Variants in PDCD6 observed in about 807,000 individuals in gnomAD.
PDCD6 encodes the protein programmed cell death protein 6.
PDCD6 carries 12 observed loss-of-function variants against 28.3 expected under a neutral mutation model. The observed-to-expected ratio is 0.42, with a 90% CI of 0.27 to 0.69. The LOEUF (loss-of-function observed/expected upper bound fraction) is 0.69, where lower values mean the gene tolerates loss of function less well. Among genes scored for constraint, PDCD6 ranks in the 30% least tolerant of loss-of-function variants. PDCD6 has a pLI of 0.22. For missense variants in PDCD6, 226 were observed against 269.9 expected, an observed-to-expected ratio of 0.84 and a Z score of 1.14; for synonymous variants, 92 against 108.0, an observed-to-expected ratio of 0.85 and a Z score of 0.92.
chr5:303,402 G>A (rs1740248299), intron 2 of PDCD6, among the ~76,000 whole-genome samples: 1 of 151,834 alleles, frequency 6.6e-6, no homozygotes, highest in East Asian at 1.9e-4. Context: ...TAGTGAGTAT[G>A]GAAATTACTG....
chr5:301,193 G>T (rs1272283687), intron 2 of PDCD6, among the ~76,000 whole-genome samples: 22 of 152,208 alleles, frequency 1.4e-4, no homozygotes, highest in African/African-American at 5.1e-4. Context: ...AGACAGAGGA[G>T]AAGAAGCTCA....
intron 2 of PDCD6, among the ~76,000 whole-genome samples, chr5:280,230 G>A (rs1399850069): frequency 6.6e-6 from 1 of 152,156 alleles, no homozygotes; most frequent in Non-Finnish European, 1.5e-5. Context: ...AGAGGGCACA[G>A]CAGGGCAAAG....
In PDCD6 at chr5:306,653, G is replaced by A. The variant is rs145515975; in HGVS notation, c.260G>A (p.Gly87Asp). 7 of 1,614,042 alleles carry A rather than the reference G, an allele frequency of 4.3e-6. No individual in the cohort carries two copies. The African/African-American group carries it at 5.3e-5, about 12-fold the overall frequency. The change falls in exon 4 of 6, where the codon GGT becomes GAT. Residue 87 changes from glycine (G) to aspartate (D), a missense_variant. Gly to Asp is a moderately conservative substitution (Grantham distance 94). Around this residue, in one of 3 missense-constraint regions of PDCD6, gnomAD observed 151 missense variants for 177.2 expected, o/e 0.85. Coordinates refer to ENST00000264933, the MANE Select transcript of PDCD6 (RefSeq NM_013232.4). The stretch of plus-strand genomic sequence containing the variant: ...GGCGTGAACTTCAGCGAGTTCACGG[G>A]TGTGTGGAAGTACATCACGGACTGG... ...KAGVNFSEFT[G>D]VWKYITDWQN...
rs1029888877 is a variant in PDCD6, at chr5:276,391, T to A, written c.163+3619T>A. On this transcript the variant is annotated intron_variant, in intron 2 of 5. Coordinates refer to ENST00000264933, the MANE Select transcript of PDCD6 (RefSeq NM_013232.4). ...CTGCGTGAAGGAAGGTTCATAGTTG[T>A]GTTGTATGTACAGGCACACAAAATT... The A allele has an allele frequency of 2.6e-5, 26 of 1,010,196 alleles. No homozygotes were observed. The African/African-American group carries it at 3.6e-4, about 14-fold the overall frequency. 62.6% of individuals were successfully genotyped at this position (1,010,196 alleles called of 1,614,324 possible).
intron 1 of PDCD6, 46 bp downstream of exon 1, chr5:271,867 GCCCCGACCCCTGTCCCGACTC>G (rs895291686): frequency 8.8e-6 from 10 of 1,133,968 alleles, no homozygotes; most frequent in Non-Finnish European, 9.4e-6. Flanking sequence ...CGCCGCGGCG[GCCCCGACCCCTGTCCCGACTC>G]CCCCGACCAA....
rs891941599 is a variant in PDCD6 at position 290,120 on chromosome 5, C to T, written c.164-14057C>T. The stretch of plus-strand genomic sequence containing the variant: ...TATTCGACATTAGGGTTGGGAGGAC[C>T]TCTTGGCTCAGGAGCTGAAGTTCTG... On this transcript the variant is annotated intron_variant, in intron 2 of 5. Coordinates refer to ENST00000264933, the MANE Select transcript of PDCD6 (RefSeq NM_013232.4). 3.2e-5 allele frequency: 50 copies of T among 1,581,972 alleles called. No individual in the cohort carries two copies. The Admixed American group carries it at 8.2e-4, about 26-fold the overall frequency.
At chr5:285,562 C>T (rs1428264037) in intron 2 of PDCD6, among the ~76,000 whole-genome samples, 5 of 151,496 alleles carry the variant, frequency 3.3e-5, no homozygotes, top group Admixed American at 1.3e-4. Flanking sequence ...ACTGGAGACC[C>T]GGCAGGGAGC....
intron 2 of PDCD6, among the ~76,000 whole-genome samples, chr5:294,777 GGAA>G (rs1458676175): frequency 6.6e-6 from 1 of 152,172 alleles, no homozygotes; most frequent in Admixed American, 6.5e-5. Flanking sequence ...GCCAATAACT[GGAA>G]GAAAACAAAA....
chr5:276,028 C>T, intron 2 of PDCD6: 2 of 1,281,492 alleles, frequency 1.6e-6, no homozygotes, highest in Non-Finnish European at 1.0e-6. Flanking sequence ...GCCCCACCCG[C>T]CCTTCAGGAT....
At chr5:286,950 A>C (rs958001874) in intron 2 of PDCD6, among the ~76,000 whole-genome samples, 1 of 151,114 alleles carries the variant, frequency 6.6e-6, no homozygotes, top group Non-Finnish European at 1.5e-5. Context: ...GTGGATCTGG[A>C]GATACAGTGG....
At chr5:297,568 C>T (rs1388385682) in intron 2 of PDCD6, among the ~76,000 whole-genome samples, 1 of 152,176 alleles carries the variant, frequency 6.6e-6, no homozygotes, top group Non-Finnish European at 1.5e-5. Context: ...TGAGCAAACA[C>T]CCATGAAACC....
In PDCD6 at chr5:305,528, C is replaced by CA. The variant is rs1740418812; in HGVS notation, c.209-1073dup. On this transcript the variant is annotated intron_variant, in intron 3 of 5. Coordinates refer to ENST00000264933, the MANE Select transcript of PDCD6 (RefSeq NM_013232.4). The surrounding 1 kb of genome is among the most constrained non-coding windows in gnomAD (Gnocchi z 4.0). ...TTTAGTGCTAGAAAAGGTGTTGATA[C>CA]ATGGGGAGCTACCTCCCCACCGGAG... is the stretch of plus-strand genomic sequence containing the variant. 6.6e-6 allele frequency: 1 copy of CA among 152,170 alleles called. No homozygotes were observed. The highest frequency in any genetic ancestry group is 2.4e-5 in the African/African-American group (1 of 41,426). The allele number at this position is 152,170 out of a possible 1,614,324, so 9.4% of individuals were successfully genotyped here.
chr5:285,281 C>CG (rs917442386), intron 2 of PDCD6, among the ~76,000 whole-genome samples: 8 of 151,474 alleles, frequency 5.3e-5, no homozygotes, highest in East Asian at 2.0e-4. Flanking sequence ...GCTGGAGACC[C>CG]GGGGGGGAAC....
intron 2 of PDCD6, among the ~76,000 whole-genome samples, chr5:282,310 T>A (rs1418818214): frequency 7.3e-6 from 1 of 137,066 alleles, no homozygotes; most frequent in East Asian, 2.3e-4. Context: ...GTTGAGGGTC[T>A]TTCAGCTGGA....
intron 2 of PDCD6, chr5:289,202 A>G (rs1381647685): frequency 1.4e-6 from 1 of 736,142 alleles, no homozygotes; most frequent in African/African-American, 1.7e-5. Context: ...TTTTCAGAAT[A>G]CCTCCACAGT....
At chr5:287,553 T>G (rs1426072241) in intron 2 of PDCD6, among the ~76,000 whole-genome samples, 1 of 152,110 alleles carries the variant, frequency 6.6e-6, no homozygotes, top group Admixed American at 6.5e-5. Flanking sequence ...TAATAGAAAT[T>G]AAGCTATGAT....
At chr5:298,686 T>TCAGCTGCTCCCCCCCAGCTGCTCTCACC (rs1269336276) in intron 2 of PDCD6, among the ~76,000 whole-genome samples, 1 of 43,818 alleles carries the variant, frequency 2.3e-5, no homozygotes. Context: ...CTGCTCCCAC[T>TCAGCTGCTCCCCCCCAGCTGCTCTCACC]CAGCTGCTCC....
rs1290216148 is a variant in PDCD6 at position 277,650 on chromosome 5, G to A, written c.163+4878G>A. On this transcript the variant is annotated intron_variant, in intron 2 of 5. Coordinates refer to ENST00000264933, the MANE Select transcript of PDCD6 (RefSeq NM_013232.4). ...AGGGTTTCACCATGTTAGCTAGGAT[G>A]GTCTTGATCTCCTGACCTCTTGATC... is the stretch of plus-strand genomic sequence containing the variant. Among the ~76,000 whole-genome samples, 5 of 152,118 alleles carry A rather than the reference G, an allele frequency of 3.3e-5. No individual in the cohort carries two copies. In the East Asian group the frequency reaches 9.7e-4, roughly 30 times the overall value.
chr5:295,791 C>T (rs1308472456), intron 2 of PDCD6, among the ~76,000 whole-genome samples: 1 of 147,312 alleles, frequency 6.8e-6, no homozygotes, highest in African/African-American at 2.4e-5. Flanking sequence ...ACACAGAAAG[C>T]CAATCACTAA....
Sources: gnomAD v4.1 joint callset for allele counts (sites outside exome capture counted in the v4.1 genomes callset) on GRCh38, gnomAD v4.1.1 for gene constraint, gnomAD v4.1.1 regional missense constraint, Gnocchi (gnomAD v3.1) non-coding constraint, MANE v1.5 for transcripts, NCBI Gene and HGNC (gene_info 2026-07-23, HGNC 2026-07-21) for gene names.